The following NFRKB variants were observed in gnomAD, a reference collection of about 807,000 sequenced individuals.
NFRKB encodes nuclear factor related to kappaB binding protein.
NFRKB carries 62 observed loss-of-function variants against 135.7 expected under a neutral mutation model. The ratio of observed to expected loss-of-function variants is 0.46; its 90% CI spans 0.37 to 0.56. NFRKB has a LOEUF of 0.56. NFRKB is among the 20% of genes least tolerant of loss of function. The probability of loss-of-function intolerance (pLI) is 0.00; values close to 1 mark genes in which losing one functional copy is unlikely to be tolerated. For missense variants in NFRKB, 1,545 were observed against 1,662.0 expected, an observed-to-expected ratio of 0.93 and a Z score of 1.22; for synonymous variants, 678 against 635.6, an observed-to-expected ratio of 1.07 and a Z score of -1.00.
At chr11:129,891,556 G>A in intron 3 of NFRKB, among the ~76,000 whole-genome samples, 1 of 152,158 alleles carries the variant, frequency 6.6e-6, no homozygotes, top group South Asian at 2.1e-4. Context: ...CCCAGGCTGT[G>A]ATGGATTCCC....
chr11:129,888,597 G>A lies in NFRKB; in HGVS notation c.334C>T (p.Arg112Ter), dbSNP rs758993367. 13 of 1,614,102 alleles carry A rather than the reference G, an allele frequency of 8.1e-6. No individual in the cohort carries two copies. Among genetic ancestry groups the A allele is most frequent in the Admixed American group, 1.7e-5 (1 of 60,026 alleles). ...NPLHIAQKLFRDGHFNPEVVK... is the reference protein window; with the variant it reads ...NPLHIAQKLF ...GAAAGAATACTGAGCTACAAACCTC[G>A]GAAAAGCTTCTGGGCAATGTGCAGA... Residue 112 changes from arginine (R) to a stop codon, truncating the protein, a stop_gained, in exon 4 of 27, where the codon CGA becomes TGA. Transcript: ENST00000682444. LOFTEE classifies it high-confidence loss of function.
chr11:129,864,305 C>A lies in NFRKB; in HGVS notation c.*420G>T, dbSNP rs1292541234. 1 of 155,714 alleles carries A rather than the reference C, an allele frequency of 6.4e-6. No homozygotes were observed. Among genetic ancestry groups the A allele is most frequent in the African/African-American group, 2.4e-5 (1 of 41,548 alleles). 9.6% of individuals were successfully genotyped at this position (155,714 alleles called of 1,614,324 possible). A position where few individuals can be genotyped will look rare whatever the true frequency, so the allele number is the denominator to read the frequency against. On this transcript the variant is annotated 3_prime_UTR_variant, in exon 27 of 27. Coordinates refer to ENST00000682444, the MANE Select transcript of NFRKB (RefSeq NM_001143835.2). ...AATAAATTACATAAAATTTTCTGGA[C>A]ACAAAACTCCTATCCAGACCACTAG...
Position 129,876,875 on chromosome 11 carries a change from T to A in NFRKB, c.1593A>T (p.Gln531His), listed in dbSNP as rs765777558. 6.2e-7 allele frequency: 1 copy of A among 1,613,830 alleles called. No homozygotes were observed. The highest frequency in any genetic ancestry group is 8.5e-7 in the Non-Finnish European group (1 of 1,179,904). The change falls in exon 17 of 27, where the codon CAA becomes CAT. Residue 531 changes from glutamine (Q) to histidine (H), a missense_variant. Coordinates refer to ENST00000682444, the MANE Select transcript of NFRKB (RefSeq NM_001143835.2). ...TGCGAAAGGTGAACGCCTTATGGGG[T>A]TGGCTATACCTGTAACGCTCCTACC... is the stretch of plus-strand genomic sequence containing the variant. Reference protein sequence around the residue: ...FQEQERYRYSQPHKAFTFRMH... With the variant: ...FQEQERYRYSHPHKAFTFRMH...
chr11:129,870,113 C>T lies in NFRKB; in HGVS notation c.2912G>A (p.Arg971Gln), dbSNP rs1040268709. 8 of 1,614,114 alleles carry T rather than the reference C, an allele frequency of 5.0e-6. No individual in the cohort carries two copies. Among genetic ancestry groups the T allele is most frequent in the Non-Finnish European group, 3.4e-6 (4 of 1,180,054 alleles). Residue 971 changes from arginine (R) to glutamine (Q), a missense_variant, in exon 24 of 27, where the codon CGA (arginine) becomes CAA (glutamine). By Grantham distance (43) the Arg-to-Gln change is conservative. This residue lies in a region of NFRKB where 753 missense variants were observed against 804.3 expected (regional missense o/e 0.94). Coordinates refer to ENST00000682444, the MANE Select transcript of NFRKB (RefSeq NM_001143835.2). ...TGTGGCCATCATGTCCGGAGTGATT[C>T]GCAGAACCGTCTGGCCCTTGGCATC... ...TTDAKGQTVL[R>Q]ITPDMMATLA...
At chr11:129,893,141 A>G in intron 2 of NFRKB, 3 of 1,192,972 alleles carry the variant, frequency 2.5e-6, no homozygotes, top group Non-Finnish European at 3.3e-6. Flanking sequence ...TTTACAGATG[A>G]GTAAAATGAG....
chr11:129,867,304 G>C (rs1948243003), intron 24 of NFRKB, among the ~76,000 whole-genome samples: 1 of 151,008 alleles, frequency 6.6e-6, no homozygotes, highest in African/African-American at 2.4e-5. Context: ...CTTCTATGAT[G>C]CAGAAACCTA....
At position 129,882,522 on chromosome 11, in the gene NFRKB, T is replaced by A; in HGVS notation, c.1011A>T (p.Leu337=). The part of the protein sequence containing the change: ...KSEAEDLAEP[L]SSTEGVAPLS... ...GAGGTGCGACCCCTTCAGTACTGCT[T>A]AGCGGCTCGGCCAGGTCCTCTGCCT... The change falls in exon 10 of 27, where the codon CTA becomes CTT. Residue 337 remains leucine, a synonymous_variant. Transcript: ENST00000682444. 6.2e-7 allele frequency: 1 copy of A among 1,614,110 alleles called. No individual in the cohort carries two copies. The highest frequency in any genetic ancestry group is 8.5e-7 in the Non-Finnish European group (1 of 1,179,954).
In NFRKB at chr11:129,884,158, C is replaced by A. The variant is rs756262209; in HGVS notation, c.743-15G>T. On this transcript the variant is annotated splice_polypyrimidine_tract_variant and intron_variant, in intron 7 of 26. Coordinates refer to ENST00000682444, the MANE Select transcript of NFRKB (RefSeq NM_001143835.2). ...TTCTACTTTATCTGAGAAAACAAAC[C>A]AAACCATATTCACTATCATGATTCT... 6.2e-7 allele frequency: 1 copy of A among 1,611,574 alleles called. No individual in the cohort carries two copies. The highest frequency in any genetic ancestry group is 8.5e-7 in the Non-Finnish European group (1 of 1,177,790).
chr11:129,885,330 G>C (rs1949222296), intron 6 of NFRKB, 105 bp downstream of exon 6: 2 of 1,310,878 alleles, frequency 1.5e-6, no homozygotes, highest in African/African-American at 1.5e-5. Flanking sequence ...CAACTCAAGA[G>C]GGTTTCTTTG....
In NFRKB at chr11:129,875,532, C is replaced by T. The variant is rs1948721245; in HGVS notation, c.1748-69G>A. ...TCCTACGGAGGTACAATCTCCTGTA[C>T]CTGCAGTGATGGGCAAAGCTGCCTG... is the stretch of plus-strand genomic sequence containing the variant. On this transcript the variant is annotated intron_variant, in intron 17 of 26. Coordinates refer to ENST00000682444, the MANE Select transcript of NFRKB (RefSeq NM_001143835.2). The T allele has an allele frequency of 3.0e-5, 38 of 1,270,266 alleles. 1 individual carries two copies. In the South Asian group the frequency reaches 5.0e-4, roughly 17 times the overall value. 78.7% of individuals were successfully genotyped at this position (1,270,266 alleles called of 1,614,324 possible).
At chr11:129,880,449 G>A (rs1040391384) in intron 13 of NFRKB, among the ~76,000 whole-genome samples, 1 of 152,108 alleles carries the variant, frequency 6.6e-6, no homozygotes, top group Non-Finnish European at 1.5e-5. Context: ...CCCGTGGGTT[G>A]TGTGGCTGTT....
intron 13 of NFRKB, among the ~76,000 whole-genome samples, chr11:129,879,612 G>T (rs1482291390): frequency 1.3e-5 from 2 of 152,104 alleles, no homozygotes; most frequent in Non-Finnish European, 2.9e-5. Flanking sequence ...CGGTCTCCTG[G>T]CTCCCAAGAC....
chr11:129,873,407 AG>A (rs1190637225), intron 22 of NFRKB, among the ~76,000 whole-genome samples: 17 of 152,220 alleles, frequency 1.1e-4, no homozygotes, highest in Non-Finnish European at 2.5e-4. Context: ...TCACACAACT[AG>A]TTCATGGCGT....
chr11:129,873,725 ACCACGGCTTC>A lies in NFRKB; in HGVS notation c.2550+10_2550+19del, dbSNP rs1948627719. The A allele has an allele frequency of 1.9e-6, 3 of 1,605,268 alleles. No homozygotes were observed. The highest frequency in any genetic ancestry group is 2.6e-6 in the Non-Finnish European group (3 of 1,172,658). On this transcript the variant is annotated intron_variant, in intron 22 of 26. Coordinates refer to ENST00000682444, the MANE Select transcript of NFRKB (RefSeq NM_001143835.2). Reference sequence around the variant, plus strand: ...GGGTCTGCATCTCTGCTTCCCAATGACCACGGCTTCCCTGTTTACCTGGGGCACTACTTTG... The same window carrying A: ...GGGTCTGCATCTCTGCTTCCCAATGACCTGTTTACCTGGGGCACTACTTTG...
rs369652682 is a variant in NFRKB at position 129,883,108 on chromosome 11, G to T, written c.901+14C>A. 1 of 1,612,994 alleles carries T rather than the reference G, an allele frequency of 6.2e-7. No homozygotes were observed. Among genetic ancestry groups the T allele is most frequent in the South Asian group, 1.1e-5 (1 of 91,032 alleles). On this transcript the variant is annotated intron_variant, in intron 9 of 26. Coordinates refer to ENST00000682444, the MANE Select transcript of NFRKB (RefSeq NM_001143835.2). ...TAGTCAGATGAAGGCTCCTAGAGGG[G>T]CCCAGTCATTTACCTGCCAGAGAGC...
In NFRKB at chr11:129,889,951, C is replaced by CGTGTGTGTGTGTGTGTGTGTGTGT. The variant is rs56216860; in HGVS notation, c.136-1180_136-1157dup. 4.1e-4 allele frequency among the ~76,000 whole-genome samples: 55 copies of CGTGTGTGTGTGTGTGTGTGTGTGT among 135,348 alleles called. 1 individual carries two copies. The highest frequency in any genetic ancestry group is 1.4e-3 in the African/African-American group (52 of 35,948). The allele number at this position is 135,348 out of a possible 152,430, so 88.8% of individuals were successfully genotyped here. ...ACATGCACGTTTTATTATTGTCTTA[C>CGTGTGTGTGTGTGTGTGTGTGTGT]GTGTGTGTGTGTGTGTGTGTGTGTG... On this transcript the variant is annotated intron_variant, in intron 3 of 26. Coordinates refer to ENST00000682444, the MANE Select transcript of NFRKB (RefSeq NM_001143835.2).
Position 129,874,163 on chromosome 11 carries a change from C to T in NFRKB, c.2229G>A (p.Val743=). The T allele has an allele frequency of 2.0e-6, 3 of 1,525,810 alleles. No homozygotes were observed. The highest frequency in any genetic ancestry group is 2.6e-6 in the Non-Finnish European group (3 of 1,138,096). The allele number at this position is 1,525,810 out of a possible 1,614,324, so 94.5% of individuals were successfully genotyped here. A position where few individuals can be genotyped will look rare whatever the true frequency, so the allele number is the denominator to read the frequency against. Residue 743 remains valine (V), a synonymous_variant, in exon 21 of 27, where the codon GTG becomes GTA. Transcript: ENST00000682444. The surrounding 1 kb of genome is among the most constrained non-coding windows in gnomAD (Gnocchi z 4.5). ...AGACTGTGGAAGGGCCGCTTTTGTT[C>T]ACTGCCGATACAGGTGGAGGGGAGA... is the stretch of plus-strand genomic sequence containing the variant. ...IPISPPPVSA[V]NKSGPSTVSE...
At chr11:129,895,124 T>C (rs1949715092) in intron 1 of NFRKB, among the ~76,000 whole-genome samples, 1 of 152,204 alleles carries the variant, frequency 6.6e-6, no homozygotes, top group East Asian at 1.9e-4. Context: ...CGGCCTCTCA[T>C]CACTGGCTTT....
intron 8 of NFRKB, 42 bp from the exon 9 acceptor site, chr11:129,883,248 G>A: frequency 6.4e-7 from 1 of 1,559,572 alleles, no homozygotes; most frequent in African/African-American, 1.4e-5. Flanking sequence ...GGCCCAAAAA[G>A]GAGCAAAAAC....
Sources: gnomAD v4.1 joint callset for allele counts (sites outside exome capture counted in the v4.1 genomes callset) on GRCh38, gnomAD v4.1.1 for gene constraint, gnomAD v4.1.1 regional missense constraint, Gnocchi (gnomAD v3.1) non-coding constraint, MANE v1.5 for transcripts, NCBI Gene and HGNC (gene_info 2026-07-23, HGNC 2026-07-21) for gene names.